Variants in KCNIP4 observed in about 807,000 individuals in gnomAD.
The protein encoded by KCNIP4 is Kv channel-interacting protein 4.
Under a neutral mutation model 34.0 loss-of-function variants are expected in KCNIP4, and 12 were observed. The observed-to-expected ratio is 0.35, with a 90% confidence interval of 0.23 to 0.57. KCNIP4 has a LOEUF of 0.57. Ranked by LOEUF, KCNIP4 falls within the 20% of genes least tolerant of loss-of-function variation. KCNIP4 has a pLI of 0.83. For synonymous variants in KCNIP4, 124 were observed against 102.2 expected, an observed-to-expected ratio of 1.21 and a Z score of -1.29; for missense variants, 238 against 311.7, an observed-to-expected ratio of 0.76 and a Z score of 1.78.
At chr4:21,428,509 A>C (rs1477988459) in intron 1 of KCNIP4, among the ~76,000 whole-genome samples, 1 of 152,154 alleles carries the variant, frequency 6.6e-6, no homozygotes, top group Non-Finnish European at 1.5e-5. Context: ...TTCAAAAACC[A>C]CTACAGCTGA....
chr4:21,476,276 A>G (rs184385776), intron 1 of KCNIP4, among the ~76,000 whole-genome samples: 1 of 152,344 alleles, frequency 6.6e-6, no homozygotes, highest in African/African-American at 2.4e-5. Flanking sequence ...TGAAACTAGC[A>G]TAAGAAAATT....
intron 1 of KCNIP4, among the ~76,000 whole-genome samples, chr4:21,527,723 A>AT (rs1397173038): frequency 1.3e-5 from 2 of 152,200 alleles, no homozygotes; most frequent in Non-Finnish European, 2.9e-5. Flanking sequence ...ACTACGTCAG[A>AT]TTTAAAAACT....
At chr4:21,571,008 G>A (rs927808210) in intron 1 of KCNIP4, among the ~76,000 whole-genome samples, 1 of 152,096 alleles carries the variant, frequency 6.6e-6, no homozygotes, top group Non-Finnish European at 1.5e-5. Flanking sequence ...AGCATTACAT[G>A]CTTCTCCGTT....
At chr4:21,395,737 T>C (rs1450991909) in intron 1 of KCNIP4, among the ~76,000 whole-genome samples, 2 of 152,154 alleles carry the variant, frequency 1.3e-5, no homozygotes, top group Non-Finnish European at 2.9e-5. Flanking sequence ...CATACACATA[T>C]GTCATCATCA....
In KCNIP4 at chr4:20,732,704, G is replaced by C. The variant is rs1748623402; in HGVS notation, c.619C>G (p.Gln207Glu). 4 of 1,611,374 alleles carry C rather than the reference G, an allele frequency of 2.5e-6. No homozygotes were observed. In the East Asian group the frequency reaches 8.9e-5, roughly 36 times the overall value. The change falls in exon 7 of 9, where the codon CAA becomes GAA. Residue 207 changes from glutamine (Q) to glutamate (E), a missense_variant. Gln to Glu is a conservative substitution (Grantham distance 29, BLOSUM62 2). Transcript: ENST00000382152. ...YPVLKEDAPR[Q>E]HVETFFQKMD... ...ACCTGAAAAAATGTTTCAACGTGTT[G>C]TCTGGGAGCATCTTCTTTGAGGACA...
chr4:21,185,457 TTTC>T (rs1384542278), intron 1 of KCNIP4, among the ~76,000 whole-genome samples: 42 of 151,658 alleles, frequency 2.8e-4, no homozygotes, highest in Non-Finnish European at 4.1e-4. Context: ...CCTCCTCCCT[TTTC>T]TTCTTCTTCT....
At chr4:21,699,403 A>T (rs1007560071) in intron 1 of KCNIP4, among the ~76,000 whole-genome samples, 9 of 152,252 alleles carry the variant, frequency 5.9e-5, no homozygotes, top group East Asian at 5.8e-4. Context: ...ACATCAGGTT[A>T]TCAAATAATA....
intron 1 of KCNIP4, among the ~76,000 whole-genome samples, chr4:21,415,991 G>C (rs141657362): frequency 6.6e-6 from 1 of 152,298 alleles, no homozygotes; most frequent in Non-Finnish European, 1.5e-5. Context: ...AAAATGAGAA[G>C]CTTCTGTAAA....
chr4:21,753,432 T>C (rs1046377860), intron 1 of KCNIP4, among the ~76,000 whole-genome samples: 2 of 152,188 alleles, frequency 1.3e-5, no homozygotes, highest in East Asian at 1.9e-4. Flanking sequence ...TTAAATAGCA[T>C]GAGTTTTCAG....
chr4:21,723,737 TC>T (rs1309358237), intron 1 of KCNIP4, among the ~76,000 whole-genome samples: 5 of 152,058 alleles, frequency 3.3e-5, no homozygotes, highest in Non-Finnish European at 5.9e-5. Flanking sequence ...AGCCTTTAGA[TC>T]AACTCAAAAA....
chr4:20,778,395 A>G (rs190282933), intron 3 of KCNIP4, among the ~76,000 whole-genome samples: 1 of 152,218 alleles, frequency 6.6e-6, no homozygotes, highest in Non-Finnish European at 1.5e-5. Context: ...TTGAATTTAA[A>G]TCAAGCAATT....
chr4:21,869,143 T>C (rs1725608235), intron 1 of KCNIP4, among the ~76,000 whole-genome samples: 1 of 152,174 alleles, frequency 6.6e-6, no homozygotes, highest in Admixed American at 6.5e-5. Context: ...CGTCCTGCAC[T>C]GCTGCTATTA....
rs573549368 is a variant in KCNIP4 at position 21,899,445 on chromosome 4, G to T, written c.61+49126C>A. Among the ~76,000 whole-genome samples, 9 of 151,902 alleles carry T rather than the reference G, an allele frequency of 5.9e-5. No individual in the cohort carries two copies. In the South Asian group the frequency reaches 1.9e-3, roughly 32 times the overall value. On this transcript the variant is annotated intron_variant, in intron 1 of 8. Coordinates refer to ENST00000382152, the MANE Select transcript of KCNIP4 (RefSeq NM_025221.6). ...CTAGAAGTCCTAGGTAGAGCAATTA[G>T]ACAAGAGAAAAAAGTAAAGGGCATC...
At chr4:20,752,772 A>T (rs1320337354) in intron 4 of KCNIP4, 1 of 152,242 alleles carries the variant, frequency 6.6e-6, no homozygotes, top group Non-Finnish European at 1.5e-5. Context: ...GCAAAGGCAA[A>T]GGAATGTCCA....
intron 1 of KCNIP4, among the ~76,000 whole-genome samples, chr4:21,070,956 T>G (rs995815688): frequency 1.3e-5 from 2 of 152,096 alleles, no homozygotes; most frequent in African/African-American, 4.8e-5. Flanking sequence ...ATTACAGGCT[T>G]GAGCCACCAT....
intron 2 of KCNIP4, among the ~76,000 whole-genome samples, chr4:20,853,499 G>T (rs371210562): frequency 6.6e-6 from 1 of 152,148 alleles, no homozygotes; most frequent in African/African-American, 2.4e-5. Flanking sequence ...ACTCAAGATG[G>T]ATTAAGGACT....
chr4:20,831,216 T>C (rs1718392084), intron 3 of KCNIP4, among the ~76,000 whole-genome samples: 1 of 152,164 alleles, frequency 6.6e-6, no homozygotes. Flanking sequence ...TTACATTTCA[T>C]TTATTTTAGA....
intron 2 of KCNIP4, among the ~76,000 whole-genome samples, chr4:20,877,582 C>G (rs1214270896): frequency 6.6e-6 from 1 of 152,034 alleles, no homozygotes; most frequent in Non-Finnish European, 1.5e-5. Flanking sequence ...GCCTATATTC[C>G]TTATAGTAGG....
chr4:21,385,375 G>T (rs1303313919), intron 1 of KCNIP4, among the ~76,000 whole-genome samples: 2 of 152,092 alleles, frequency 1.3e-5, no homozygotes, highest in Non-Finnish European at 2.9e-5. Flanking sequence ...CTCTACAAAG[G>T]GTTCTGGGCC....
Sources: gnomAD v4.1 joint callset for allele counts (sites outside exome capture counted in the v4.1 genomes callset) on GRCh38, gnomAD v4.1.1 for gene constraint, MANE v1.5 for transcripts, NCBI Gene and HGNC (gene_info 2026-07-23, HGNC 2026-07-21) for gene names.